TEX14: variants seen among roughly 807,000 people sequenced by gnomAD.
TEX14 encodes the protein testis expressed 14, intercellular bridge forming factor, also known as inactive serine/threonine-protein kinase TEX14.
Under a neutral mutation model 178.6 loss-of-function variants are expected in TEX14, and 168 were observed. The observed-to-expected ratio is 0.94, with a 90% CI of 0.83 to 1.07. The LOEUF (loss-of-function observed/expected upper bound fraction) is 1.07. TEX14 is among the 50% of genes least tolerant of loss of function. The pLI, the probability that TEX14 is intolerant of heterozygous loss-of-function variation, is 0.00. For synonymous variants in TEX14, 626 were observed against 634.1 expected (o/e 0.99, Z 0.19); for missense variants, 1,730 against 1,753.6 (o/e 0.99, Z 0.24).
At chr17:58,563,464 A>G (rs1025750187) in intron 28 of TEX14, among the ~76,000 whole-genome samples, 2 of 151,552 alleles carry the variant, frequency 1.3e-5, no homozygotes, top group Non-Finnish European at 2.9e-5. Flanking sequence ...ACAACTCAAG[A>G]GAAAATAACA....
intron 2 of TEX14, among the ~76,000 whole-genome samples, chr17:58,643,589 G>C (rs1484524120): frequency 6.6e-6 from 1 of 151,412 alleles, no homozygotes; most frequent in Admixed American, 6.6e-5. Context: ...GTAACCTAGG[G>C]CTGGGCACAG....
intron 30 of TEX14, 79 bp downstream of exon 30, chr17:58,559,374 G>A (rs2044223583): frequency 4.5e-6 from 3 of 668,220 alleles, no homozygotes; most frequent in African/African-American, 1.8e-5. Context: ...TAGCATCTGG[G>A]AAACATTTCT....
intron 2 of TEX14, chr17:58,631,885 ATGC>A (rs1250612747): frequency 1.3e-5 from 2 of 152,182 alleles, no homozygotes; most frequent in Non-Finnish European, 2.9e-5. Flanking sequence ...CACACATATT[ATGC>A]TGATGGTGAG....
chr17:58,684,786 C>A (rs912266936), intron 1 of TEX14, among the ~76,000 whole-genome samples: 1 of 152,050 alleles, frequency 6.6e-6, no homozygotes, highest in African/African-American at 2.4e-5. Flanking sequence ...ATCAGCCTGG[C>A]CAATATGGCA....
At chr17:58,566,691 C>G (rs1022565529) in intron 26 of TEX14, among the ~76,000 whole-genome samples, 20 of 150,654 alleles carry the variant, frequency 1.3e-4, no homozygotes, top group African/African-American at 4.9e-4. Context: ...CCCAGCTACT[C>G]AGGAGGCTGA....
chr17:58,615,405 G>A, intron 7 of TEX14, 60 bp from the exon 8 acceptor site: 3 of 1,022,574 alleles, frequency 2.9e-6, no homozygotes, highest in South Asian at 2.6e-5. Flanking sequence ...CTCCTTCAAT[G>A]AATAAGCTTT....
intron 2 of TEX14, among the ~76,000 whole-genome samples, chr17:58,648,578 A>G (rs943840310): frequency 6.6e-6 from 1 of 151,924 alleles, no homozygotes; most frequent in Non-Finnish European, 1.5e-5. Flanking sequence ...TCCAGGGAAC[A>G]CTGCAGCTTC....
At chr17:58,657,170 A>G (rs2046987162) in intron 1 of TEX14, among the ~76,000 whole-genome samples, 1 of 151,834 alleles carries the variant, frequency 6.6e-6, no homozygotes, top group African/African-American at 2.4e-5. Flanking sequence ...AGGTCTCACT[A>G]TGTTGCCCAG....
Position 58,613,473 on chromosome 17 carries a change from A to T in TEX14, c.953T>A (p.Leu318His), listed in dbSNP as rs758780756. The T allele has an allele frequency of 1.2e-6, 2 of 1,614,130 alleles. No individual in the cohort carries two copies. Among genetic ancestry groups the T allele is most frequent in the Non-Finnish European group, 1.7e-6 (2 of 1,180,012 alleles). The change falls in exon 9 of 32, where the codon CTT becomes CAT. Residue 318 changes from leucine to histidine, a missense_variant. Transcript: ENST00000349033. ...CLSQDLEKTR[L>H]VYERITIGTL... ...GCCGATAGTGATGCGCTCGTACACA[A>T]GGCGGGTTTTCTCTAGGTCCTGGGA...
At chr17:58,663,758 G>A (rs2047159748) in intron 1 of TEX14, among the ~76,000 whole-genome samples, 2 of 152,294 alleles carry the variant, frequency 1.3e-5, no homozygotes, top group South Asian at 2.1e-4. Flanking sequence ...ATGAGCCAAT[G>A]TGCCAGGCCA....
At chr17:58,561,220 A>G (rs2044266565) in intron 29 of TEX14, among the ~76,000 whole-genome samples, 1 of 152,252 alleles carries the variant, frequency 6.6e-6, no homozygotes, top group South Asian at 2.1e-4. Flanking sequence ...TAAAAATTTG[A>G]TAAGCATACC....
rs751558908 is a variant in TEX14, at chr17:58,630,478, G to A, written c.213C>T (p.Phe71=). Residue 71 remains phenylalanine (F), a synonymous_variant, in exon 3 of 32, where the codon TTC becomes TTT. Coordinates refer to ENST00000349033, the MANE Select transcript of TEX14 (RefSeq NM_031272.5). ...FVAALLGLRK[F]VDVLVDYGSD... is the part of the protein sequence containing the mutation. ...ATCCATAATCCACCAGAACATCAAC[G>A]AATTTCCTAAGGCCCAATAACGCCG... 2.4e-5 allele frequency: 38 copies of A among 1,613,736 alleles called. 1 individual carries two copies. The highest frequency in any genetic ancestry group is 3.3e-4 in the Middle Eastern group (2 of 6,084).
In TEX14 at chr17:58,577,399, C is replaced by T. The variant is rs148446178; in HGVS notation, c.3296G>A (p.Arg1099Lys). Reference protein sequence around the residue: ...ILGKNAEILPRSQFQPVRSTE... With the variant: ...ILGKNAEILPKSQFQPVRSTE... The stretch of plus-strand genomic sequence containing the variant: ...CCTTCGTACAGGTTGAAATTGAGAC[C>T]TGGGCAAAATCTCAGCATTCTTTCC... The change falls in exon 21 of 32, where the codon AGG becomes AAG. Residue 1099 changes from arginine to lysine, a missense_variant. Arg to Lys is a conservative substitution (Grantham distance 26). Around this residue, in one of 2 missense-constraint regions of TEX14, gnomAD observed 941 missense variants for 1,072.4 expected, o/e 0.88. Coordinates refer to ENST00000349033, the MANE Select transcript of TEX14 (RefSeq NM_031272.5). 255 of 1,503,286 alleles carry T rather than the reference C, an allele frequency of 1.7e-4. No individual in the cohort carries two copies. The highest frequency in any genetic ancestry group is 2.0e-4 in the Non-Finnish European group (227 of 1,120,490). 93.1% of individuals were successfully genotyped at this position (1,503,286 alleles called of 1,614,324 possible). A position where few individuals can be genotyped will look rare whatever the true frequency, so the allele number is the denominator to read the frequency against.
At position 58,602,475 on chromosome 17, in the gene TEX14, T is replaced by A. The variant is rs142888406; in HGVS notation, c.1452A>T (p.Ser484=). The A allele has an allele frequency of 1.9e-6, 3 of 1,614,026 alleles. No individual in the cohort carries two copies. The African/African-American group carries it at 4.0e-5, about 22-fold the overall frequency. The change falls in exon 12 of 32, where the codon TCA becomes TCT. Residue 484 remains serine (S), a synonymous_variant. Transcript: ENST00000349033. Reference sequence around the variant, plus strand: ...GGTCTTTCTGCTTGACGTGGATGCCTGACTTAACAATATCATAGTAAGGTT... The same window carrying A: ...GGTCTTTCTGCTTGACGTGGATGCCAGACTTAACAATATCATAGTAAGGTT... The part of the protein sequence containing the change: ...LPKPYYDIVK[S]GIHVKQKDRT...
In TEX14 at chr17:58,599,406, C is replaced by T. The variant is rs778877018; in HGVS notation, c.1939G>A (p.Glu647Lys). Residue 647 changes from glutamate (E) to lysine (K), a missense_variant, in exon 14 of 32, where the codon GAG becomes AAG. By Grantham distance (56) the Glu-to-Lys change is moderately conservative. This residue lies in a region of TEX14 where 941 missense variants were observed against 1,072.4 expected (regional missense o/e 0.88). Coordinates refer to ENST00000349033, the MANE Select transcript of TEX14 (RefSeq NM_031272.5). The stretch of plus-strand genomic sequence containing the variant: ...TCTACCTGGTTAGGTCCGTCTGCCT[C>T]CAAAGATGAAGCAGCTCCTGGAGGC... ...EEPPGAASSL[E>K]ADGPNQVDEL... 8.7e-6 allele frequency: 14 copies of T among 1,614,092 alleles called. No individual in the cohort carries two copies. The highest frequency in any genetic ancestry group is 1.7e-5 in the Admixed American group (1 of 59,994).
chr17:58,587,704 G>T, intron 16 of TEX14, 38 bp from the exon 17 acceptor site: 1 of 1,449,596 alleles, frequency 6.9e-7, no homozygotes, highest in Non-Finnish European at 9.6e-7. Context: ...GGGGGAGCGG[G>T]GTGGACACAA....
intron 19 of TEX14, among the ~76,000 whole-genome samples, chr17:58,580,461 G>T (rs553367811): frequency 6.6e-6 from 1 of 152,114 alleles, no homozygotes; most frequent in Admixed American, 6.5e-5. Flanking sequence ...ACAGGCACCT[G>T]CCACTGCGCC....
chr17:58,625,958 A>G (rs1416692372), intron 3 of TEX14, among the ~76,000 whole-genome samples: 1 of 151,122 alleles, frequency 6.6e-6, no homozygotes, highest in Non-Finnish European at 1.5e-5. Flanking sequence ...CCATGTTGAC[A>G]AGGATGGTCT....
Position 58,599,187 on chromosome 17 carries a change from A to C in TEX14, c.2158T>G (p.Ser720Ala). ...CTGATGAGATACTCCTCAGTCGTGGACATGTTGTTCAAATTGCTCTTGGCT... is the reference window on the plus strand; with the variant it reads ...CTGATGAGATACTCCTCAGTCGTGGCCATGTTGTTCAAATTGCTCTTGGCT... ...REAKSNLNNMSTTEEYLISKC... is the reference protein window; with the variant it reads ...REAKSNLNNMATTEEYLISKC... Residue 720 changes from serine (S) to alanine (A), a missense_variant, in exon 14 of 32, where the codon TCC (serine) becomes GCC (alanine). Transcript: ENST00000349033. 2.5e-6 allele frequency: 4 copies of C among 1,614,134 alleles called. No homozygotes were observed. The South Asian group carries it at 4.4e-5, about 18-fold the overall frequency.
Sources: allele counts gnomAD v4.1 joint callset (sites outside exome capture counted in the v4.1 genomes callset), GRCh38; gene constraint gnomAD v4.1.1; regional missense constraint gnomAD v4.1.1; transcripts MANE v1.5; gene names NCBI Gene and HGNC (gene_info 2026-07-23, HGNC 2026-07-21).